Variants in HPF1 observed in about 807,000 individuals in gnomAD.
The protein encoded by HPF1 is histone PARylation factor 1, also known as UPF0609 protein C4orf27.
Under a neutral mutation model 38.8 loss-of-function variants are expected in HPF1, and 35 were observed. The ratio of observed to expected loss-of-function variants is 0.90; its 90% CI spans 0.69 to 1.19. HPF1 has a LOEUF of 1.19. Among genes scored for constraint, HPF1 ranks in the 50% most tolerant of loss-of-function variants. HPF1 has a pLI of 0.00. For missense variants in HPF1, 367 were observed against 405.8 expected (o/e 0.90, Z 0.82); for synonymous variants, 115 against 139.2 (o/e 0.83, Z 1.22).
At chr4:169,742,226 A>G in intron 4 of HPF1, 119 bp from the exon 5 acceptor site, 1 of 763,156 alleles carries the variant, frequency 1.3e-6, no homozygotes, top group Non-Finnish European at 2.1e-6. Flanking sequence ...TCCACAGAAT[A>G]ATTACCAACA....
chr4:169,743,861 C>A (rs1422986614), intron 4 of HPF1, among the ~76,000 whole-genome samples: 1 of 151,196 alleles, frequency 6.6e-6, no homozygotes, highest in Non-Finnish European at 1.5e-5. Context: ...CTAGTCTTAG[C>A]TTCATTGTAC....
In HPF1 at chr4:169,741,908, GA is replaced by G. The variant is rs773073313; in HGVS notation, c.648+48del. On this transcript the variant is annotated intron_variant, in intron 5 of 7. Coordinates refer to ENST00000393381, the MANE Select transcript of HPF1 (RefSeq NM_017867.3). ...TAGAGATGGGAAGGAATCAAGAGGGGAAAAAAATATGCTATAGCAAAACAGA... is the reference window on the plus strand; with the variant it reads ...TAGAGATGGGAAGGAATCAAGAGGGGAAAAAATATGCTATAGCAAAACAGA... The G allele has an allele frequency of 1.8e-5, 27 of 1,538,654 alleles. No individual in the cohort carries two copies. In the Admixed American group the frequency reaches 1.8e-4, roughly 10 times the overall value.
intron 5 of HPF1, 70 bp downstream of exon 5, chr4:169,741,887 G>A: frequency 1.6e-6 from 2 of 1,282,836 alleles, no homozygotes; most frequent in Non-Finnish European, 1.1e-6. Flanking sequence ...GTAAAGTAGA[G>A]ATGGGAAGGA....
At chr4:169,746,937 G>T (rs1159748349) in intron 4 of HPF1, among the ~76,000 whole-genome samples, 1 of 111,286 alleles carries the variant, frequency 9.0e-6, no homozygotes, top group South Asian at 3.0e-4. Flanking sequence ...AAAAAAAAAA[G>T]ATACCAGAAG....
chr4:169,748,959 T>A, intron 3 of HPF1, 117 bp from the exon 4 acceptor site: 1 of 152,586 alleles, frequency 6.6e-6, no homozygotes, highest in Non-Finnish European at 1.4e-5. Context: ...TTTGGAGGCC[T>A]TTTTTTTTTT....
chr4:169,746,882 T>C (rs1734054620), intron 4 of HPF1, among the ~76,000 whole-genome samples: 1 of 131,258 alleles, frequency 7.6e-6, no homozygotes, highest in South Asian at 2.2e-4. Context: ...CACCCATGCA[T>C]TTTTTTTTTC....
At chr4:169,734,730 T>C (rs1364359187) in intron 6 of HPF1, among the ~76,000 whole-genome samples, 1 of 152,208 alleles carries the variant, frequency 6.6e-6, no homozygotes, top group Non-Finnish European at 1.5e-5. Flanking sequence ...TCCCTGCCAC[T>C]ACTATCAACT....
chr4:169,743,329 C>G (rs1230221923), intron 4 of HPF1, among the ~76,000 whole-genome samples: 4 of 149,812 alleles, frequency 2.7e-5, no homozygotes, highest in Non-Finnish European at 4.4e-5. Context: ...AGGGTGGTCT[C>G]GAACTCCTGA....
intron 5 of HPF1, among the ~76,000 whole-genome samples, chr4:169,740,399 T>A (rs1290412256): frequency 6.6e-6 from 1 of 152,224 alleles, no homozygotes; most frequent in Admixed American, 6.5e-5. Flanking sequence ...TTCCAAAGTA[T>A]GCTAAGTTAC....
Position 169,731,794 on chromosome 4 carries a change from T to C in HPF1, c.819A>G (p.Glu273=), listed in dbSNP as rs1412310506. 10 of 1,607,548 alleles carry C rather than the reference T, an allele frequency of 6.2e-6. No homozygotes were observed. The highest frequency in any genetic ancestry group is 8.5e-6 in the Non-Finnish European group (10 of 1,178,252). ...ERLKAFAPIQ[E]MMTFVQFAND... ...TAGCAAACTGCACAAAAGTCATCAT[T>C]TCCTGAATGGGAGCAAAAGCTTTTA... is the stretch of plus-strand genomic sequence containing the variant. The change falls in exon 7 of 8, where the codon GAA becomes GAG. Residue 273 remains glutamate, a synonymous_variant. Coordinates refer to ENST00000393381, the MANE Select transcript of HPF1 (RefSeq NM_017867.3).
chr4:169,749,790 G>A (rs1734096113), intron 3 of HPF1, among the ~76,000 whole-genome samples: 1 of 149,582 alleles, frequency 6.7e-6, no homozygotes, highest in South Asian at 2.1e-4. Context: ...TCCTATTCAC[G>A]TATATAACCA....
intron 1 of HPF1, among the ~76,000 whole-genome samples, chr4:169,757,225 A>G (rs1234130860): frequency 6.6e-6 from 1 of 152,140 alleles, no homozygotes; most frequent in Non-Finnish European, 1.5e-5. Context: ...GCTCCAGCCA[A>G]GCCGAACGCT....
At chr4:169,733,396 C>G (rs1329936229) in intron 6 of HPF1, among the ~76,000 whole-genome samples, 4 of 152,072 alleles carry the variant, frequency 2.6e-5, no homozygotes, top group African/African-American at 9.7e-5. Flanking sequence ...TTTTAACAAA[C>G]AGTACTTCTT....
chr4:169,731,252 T>A (rs1733823769), intron 7 of HPF1, among the ~76,000 whole-genome samples: 1 of 152,202 alleles, frequency 6.6e-6, no homozygotes, highest in Admixed American at 6.5e-5. Context: ...CTTATAAAGC[T>A]TAAATAATTT....
At chr4:169,749,714 C>G (rs1196347461) in intron 3 of HPF1, among the ~76,000 whole-genome samples, 1 of 28,914 alleles carries the variant, frequency 3.5e-5, no homozygotes, top group South Asian at 8.3e-4. Context: ...CTTTTATACT[C>G]AAATACAAAA....
At chr4:169,754,915 T>A (rs1053037997) in intron 1 of HPF1, among the ~76,000 whole-genome samples, 13 of 151,846 alleles carry the variant, frequency 8.6e-5, no homozygotes, top group Admixed American at 5.9e-4. Context: ...ATTTATATAT[T>A]TTTTTATTTT....
chr4:169,733,759 G>T (rs759231781), intron 6 of HPF1, among the ~76,000 whole-genome samples: 31 of 152,122 alleles, frequency 2.0e-4, no homozygotes, highest in Admixed American at 1.6e-3. Context: ...AGCTGGACTT[G>T]GTGGTGGACA....
chr4:169,750,762 G>T, intron 2 of HPF1, 37 bp from the exon 3 acceptor site: 1 of 1,433,072 alleles, frequency 7.0e-7, no homozygotes, highest in South Asian at 1.3e-5. Flanking sequence ...ACTTTCTGGA[G>T]ACAGGTAGGA....
chr4:169,753,636 C>T (rs1235128083), intron 2 of HPF1, 40 bp downstream of exon 2: 1 of 1,564,566 alleles, frequency 6.4e-7, no homozygotes, highest in African/African-American at 1.4e-5. Context: ...TATTACATTA[C>T]TCTTTCCATT....
Sources: allele counts gnomAD v4.1 joint callset (sites outside exome capture counted in the v4.1 genomes callset), GRCh38; gene constraint gnomAD v4.1.1; transcripts MANE v1.5; gene names NCBI Gene and HGNC (gene_info 2026-07-23, HGNC 2026-07-21).